The following C1orf216 variants were observed in gnomAD, a reference collection of about 807,000 sequenced individuals.
C1orf216 encodes the protein UPF0500 protein C1orf216.
Under a neutral mutation model 16.4 loss-of-function variants are expected in C1orf216, and 18 were observed. The ratio of observed to expected loss-of-function variants is 1.10; its 90% CI spans 0.76 to 1.63. The LOEUF is 1.63. C1orf216 is among the 40% of genes most tolerant of loss of function. The pLI, the probability that C1orf216 is intolerant of heterozygous loss-of-function variation, is 0.00. For missense variants in C1orf216, 271 were observed against 297.6 expected, an observed-to-expected ratio of 0.91 and a Z score of 0.66; for synonymous variants, 115 against 116.9, an observed-to-expected ratio of 0.98 and a Z score of 0.11.
chr1:35,716,516 C>A (rs1640959848), intron 1 of C1orf216, 190 bp from the exon 2 acceptor site: 2 of 600,662 alleles, frequency 3.3e-6, no homozygotes, highest in Non-Finnish European at 5.8e-6. Flanking sequence ...CATTCTCAGT[C>A]TCCTGCAAAG....
intron 1 of C1orf216, among the ~76,000 whole-genome samples, chr1:35,717,274 T>A (rs990256738): frequency 2.0e-5 from 3 of 152,094 alleles, no homozygotes; most frequent in African/African-American, 7.2e-5. Context: ...CCTCCCTGAA[T>A]TCCTGCTAAA....
rs1640911701 is a variant in C1orf216, at chr1:35,714,061, C to G, written c.*1571G>C. ...AGATAGGAAGAGCCCCCCACTTTGC[C>G]GATAGGGAGACTGAGGGCCAGAGGC... On this transcript the variant is annotated 3_prime_UTR_variant, in exon 2 of 2. Coordinates refer to ENST00000270815, the MANE Select transcript of C1orf216 (RefSeq NM_152374.2). The G allele has an allele frequency of 1.3e-5, 2 of 152,162 alleles. No homozygotes were observed. The highest frequency in any genetic ancestry group is 2.9e-5 in the Non-Finnish European group (2 of 68,026). The allele number at this position is 152,162 out of a possible 1,614,324, so 9.4% of individuals were successfully genotyped here.
Position 35,715,684 on chromosome 1 carries a change from A to G in C1orf216, c.638T>C (p.Ile213Thr), listed in dbSNP as rs1257195505. 26 of 1,613,968 alleles carry G rather than the reference A, an allele frequency of 1.6e-5. No individual in the cohort carries two copies. Among genetic ancestry groups the G allele is most frequent in the Non-Finnish European group, 2.2e-5 (26 of 1,180,014 alleles). Reference sequence around the variant, plus strand: ...TGCTGCCCTCTGCTGGAGACAGCGAATAAGCTCCTTCCGGTTGTCTAGGAT... The same window carrying G: ...TGCTGCCCTCTGCTGGAGACAGCGAGTAAGCTCCTTCCGGTTGTCTAGGAT... Reference protein sequence around the residue: ...DTILDNRKELIRCLQQRAAPS... With the variant: ...DTILDNRKELTRCLQQRAAPS... The change falls in exon 2 of 2, where the codon ATT (isoleucine) becomes ACT (threonine). Residue 213 changes from isoleucine (I) to threonine (T), a missense_variant. This residue lies in a region of C1orf216 where 220 missense variants were observed against 227.8 expected (regional missense o/e 0.97). Transcript: ENST00000270815. The surrounding 1 kb of genome is among the most constrained non-coding windows in gnomAD (Gnocchi z 4.3).
rs930954136 is a variant in C1orf216, at chr1:35,714,203, T to G, written c.*1429A>C. ...CCAAGAACAAAGCAGAGAGCTAAGC[T>G]ACCTTAGTCGTTGGTTCTCTCCAAG... is the stretch of plus-strand genomic sequence containing the variant. On this transcript the variant is annotated 3_prime_UTR_variant, in exon 2 of 2. Coordinates refer to ENST00000270815, the MANE Select transcript of C1orf216 (RefSeq NM_152374.2). 6 of 152,212 alleles carry G rather than the reference T, an allele frequency of 3.9e-5. No homozygotes were observed. Among genetic ancestry groups the G allele is most frequent in the African/African-American group, 1.4e-4 (6 of 41,436 alleles). 9.4% of individuals were successfully genotyped at this position (152,212 alleles called of 1,614,324 possible).
In C1orf216 at chr1:35,715,520, A is replaced by C; in HGVS notation, c.*112T>G. 1 of 1,211,400 alleles carries C rather than the reference A, an allele frequency of 8.3e-7. No individual in the cohort carries two copies. The allele number at this position is 1,211,400 out of a possible 1,614,324, so 75.0% of individuals were successfully genotyped here. On this transcript the variant is annotated 3_prime_UTR_variant, in exon 2 of 2. Transcript: ENST00000270815. This position sits in a 1 kb window ranked among gnomAD's most constrained non-coding sequence, Gnocchi z 4.3. ...CACACCAGCCTACATGTTAGCACATACACACTCATGCCTACCTGCAATCAT... is the reference window on the plus strand; with the variant it reads ...CACACCAGCCTACATGTTAGCACATCCACACTCATGCCTACCTGCAATCAT...
At position 35,714,198 on chromosome 1, in the gene C1orf216, T is replaced by G. The variant is rs1211370644; in HGVS notation, c.*1434A>C. 1.3e-5 allele frequency: 2 copies of G among 152,236 alleles called. No homozygotes were observed. The highest frequency in any genetic ancestry group is 2.9e-5 in the Non-Finnish European group (2 of 68,062). 9.4% of individuals were successfully genotyped at this position (152,236 alleles called of 1,614,324 possible). A position where few individuals can be genotyped will look rare whatever the true frequency, so the allele number is the denominator to read the frequency against. Reference sequence around the variant, plus strand: ...GGCTCCCAAGAACAAAGCAGAGAGCTAAGCTACCTTAGTCGTTGGTTCTCT... The same window carrying G: ...GGCTCCCAAGAACAAAGCAGAGAGCGAAGCTACCTTAGTCGTTGGTTCTCT... On this transcript the variant is annotated 3_prime_UTR_variant, in exon 2 of 2. Coordinates refer to ENST00000270815, the MANE Select transcript of C1orf216 (RefSeq NM_152374.2).
chr1:35,715,558 T>C lies in C1orf216; in HGVS notation c.*74A>G. On this transcript the variant is annotated 3_prime_UTR_variant, in exon 2 of 2. Transcript: ENST00000270815. The surrounding 1 kb of genome is among the most constrained non-coding windows in gnomAD (Gnocchi z 4.3). ...TACCTGCAATCATGCCAGCAAATTATGTACTTACTAGTGCGCCTCACACAT... is the reference window on the plus strand; with the variant it reads ...TACCTGCAATCATGCCAGCAAATTACGTACTTACTAGTGCGCCTCACACAT... 3 of 1,475,636 alleles carry C rather than the reference T, an allele frequency of 2.0e-6. No homozygotes were observed. The highest frequency in any genetic ancestry group is 2.7e-6 in the Non-Finnish European group (3 of 1,095,238). The allele number at this position is 1,475,636 out of a possible 1,614,324, so 91.4% of individuals were successfully genotyped here. A position where few individuals can be genotyped will look rare whatever the true frequency, so the allele number is the denominator to read the frequency against.
rs1376697792 is a variant in C1orf216 at position 35,716,032 on chromosome 1, T to G, written c.290A>C (p.Lys97Thr). Reference sequence around the variant, plus strand: ...GCAGACTGTGCCAGCACCACCCATCTTCTCAGGCTCAGCCCCGGGAATCTC... The same window carrying G: ...GCAGACTGTGCCAGCACCACCCATCGTCTCAGGCTCAGCCCCGGGAATCTC... ...GAEIPGAEPE[K>T]MGGAGTVCSP... Residue 97 changes from lysine (K) to threonine (T), a missense_variant, in exon 2 of 2, where the codon AAG becomes ACG. Lys to Thr is a moderately conservative substitution (Grantham distance 78). Around this residue, in one of 3 missense-constraint regions of C1orf216, gnomAD observed 220 missense variants for 227.8 expected, o/e 0.97. Coordinates refer to ENST00000270815, the MANE Select transcript of C1orf216 (RefSeq NM_152374.2). The G allele has an allele frequency of 6.2e-7, 1 of 1,614,012 alleles. No individual in the cohort carries two copies. Among genetic ancestry groups the G allele is most frequent in the Non-Finnish European group, 8.5e-7 (1 of 1,180,034 alleles).
At position 35,715,697 on chromosome 1, in the gene C1orf216, G is replaced by T; in HGVS notation, c.625C>A (p.Arg209=). The T allele has an allele frequency of 1.2e-6, 2 of 1,614,116 alleles. No homozygotes were observed. The highest frequency in any genetic ancestry group is 8.5e-7 in the Non-Finnish European group (1 of 1,180,026). ...QESFDTILDN[R]KELIRCLQQR... Reference sequence around the variant, plus strand: ...TGGAGACAGCGAATAAGCTCCTTCCGGTTGTCTAGGATGGTGTCGAAGCTC... The same window carrying T: ...TGGAGACAGCGAATAAGCTCCTTCCTGTTGTCTAGGATGGTGTCGAAGCTC... Residue 209 remains arginine (R), a synonymous_variant, in exon 2 of 2, where the codon CGG becomes AGG. Transcript: ENST00000270815. The surrounding 1 kb of genome is among the most constrained non-coding windows in gnomAD (Gnocchi z 4.3).
rs1264203079 is a variant in C1orf216, at chr1:35,714,491, C to T, written c.*1141G>A. On this transcript the variant is annotated 3_prime_UTR_variant, in exon 2 of 2. Transcript: ENST00000270815. ...GCAGAGACAGGGAAGCGATATTTTC[C>T]TCATCGGCCTTGGAACATCTTGTCT... 1 of 152,142 alleles carries T rather than the reference C, an allele frequency of 6.6e-6. No individual in the cohort carries two copies. Among genetic ancestry groups the T allele is most frequent in the Non-Finnish European group, 1.5e-5 (1 of 68,054 alleles). The allele number at this position is 152,142 out of a possible 1,614,324, so 9.4% of individuals were successfully genotyped here. A position where few individuals can be genotyped will look rare whatever the true frequency, so the allele number is the denominator to read the frequency against.
At chr1:35,717,200 C>G (rs1301998694) in intron 1 of C1orf216, among the ~76,000 whole-genome samples, 1 of 152,090 alleles carries the variant, frequency 6.6e-6, no homozygotes, top group Non-Finnish European at 1.5e-5. Flanking sequence ...TTGCCTCGGC[C>G]TTTTCACTGA....
rs1007335273 is a variant in C1orf216 at position 35,714,937 on chromosome 1, G to A, written c.*695C>T. ...TGGGTTAAGTGAGGGAAAGGGAAAG[G>A]AGAGGTGGCCTGGGAAATCCCAGGA... On this transcript the variant is annotated 3_prime_UTR_variant, in exon 2 of 2. Coordinates refer to ENST00000270815, the MANE Select transcript of C1orf216 (RefSeq NM_152374.2). 11 of 152,666 alleles carry A rather than the reference G, an allele frequency of 7.2e-5. No homozygotes were observed. The highest frequency in any genetic ancestry group is 2.2e-4 in the African/African-American group (9 of 41,586). 9.5% of individuals were successfully genotyped at this position (152,666 alleles called of 1,614,324 possible). A position where few individuals can be genotyped will look rare whatever the true frequency, so the allele number is the denominator to read the frequency against.
chr1:35,715,771 A>C lies in C1orf216; in HGVS notation c.551T>G (p.Ile184Ser). The C allele has an allele frequency of 6.2e-7, 1 of 1,614,146 alleles. No individual in the cohort carries two copies. The highest frequency in any genetic ancestry group is 8.5e-7 in the Non-Finnish European group (1 of 1,180,016). ...AATCAACTGATGCTGCAGGCCCCGGATCCACTGGAGCAGTGCCAGGCGACG... is the reference window on the plus strand; with the variant it reads ...AATCAACTGATGCTGCAGGCCCCGGCTCCACTGGAGCAGTGCCAGGCGACG... ...MYRRLALLQW[I>S]RGLQHQLIDQ... The change falls in exon 2 of 2, where the codon ATC becomes AGC. Residue 184 changes from isoleucine to serine, a missense_variant. By Grantham distance (142) the Ile-to-Ser change is moderately radical (BLOSUM62 -2). Coordinates refer to ENST00000270815, the MANE Select transcript of C1orf216 (RefSeq NM_152374.2). This position sits in a 1 kb window ranked among gnomAD's most constrained non-coding sequence, Gnocchi z 4.3.
chr1:35,715,796 G>A lies in C1orf216; in HGVS notation c.526C>T (p.Arg176Cys), dbSNP rs762536435. 15 of 1,614,074 alleles carry A rather than the reference G, an allele frequency of 9.3e-6. No individual in the cohort carries two copies. The highest frequency in any genetic ancestry group is 2.2e-5 in the South Asian group (2 of 91,086). ...EKHHVHLVMY[R>C]RLALLQWIRG... is the part of the protein sequence containing the mutation. ...ATCCACTGGAGCAGTGCCAGGCGACGGTACATCACCAAGTGCACGTGGTGC... is the reference window on the plus strand; with the variant it reads ...ATCCACTGGAGCAGTGCCAGGCGACAGTACATCACCAAGTGCACGTGGTGC... The change falls in exon 2 of 2, where the codon CGT (arginine) becomes TGT (cysteine). Residue 176 changes from arginine (R) to cysteine (C), a missense_variant. Coordinates refer to ENST00000270815, the MANE Select transcript of C1orf216 (RefSeq NM_152374.2). This position sits in a 1 kb window ranked among gnomAD's most constrained non-coding sequence, Gnocchi z 4.3.
rs1421452561 is a variant in C1orf216 at position 35,715,196 on chromosome 1, C to A, written c.*436G>T. ...CCATGCCTGTGGCCAAACATGTGCACCCCTGCACACACAAGGGCTTCCTCA... is the reference window on the plus strand; with the variant it reads ...CCATGCCTGTGGCCAAACATGTGCAACCCTGCACACACAAGGGCTTCCTCA... On this transcript the variant is annotated 3_prime_UTR_variant, in exon 2 of 2. Coordinates refer to ENST00000270815, the MANE Select transcript of C1orf216 (RefSeq NM_152374.2). The surrounding 1 kb of genome is among the most constrained non-coding windows in gnomAD (Gnocchi z 4.3). 1.9e-5 allele frequency: 4 copies of A among 209,734 alleles called. No homozygotes were observed. The highest frequency in any genetic ancestry group is 9.2e-5 in the African/African-American group (4 of 43,616). 13.0% of individuals were successfully genotyped at this position (209,734 alleles called of 1,614,324 possible).
Position 35,716,302 on chromosome 1 carries a change from C to G in C1orf216, c.20G>C (p.Gly7Ala). The change falls in exon 2 of 2, where the codon GGG (glycine) becomes GCG (alanine). Residue 7 changes from glycine (G) to alanine (A), a missense_variant. Physicochemically the swap from Gly to Ala is moderately conservative, Grantham distance 60. Transcript: ENST00000270815. ...CAGGAATTGGCCCCCCTCAGCTAGC[C>G]CTGGCTGGATGGCGAACATCTAGCC... MFAIQP[G>A]LAEGGQFLGD... 6.2e-7 allele frequency: 1 copy of G among 1,613,356 alleles called. No individual in the cohort carries two copies. The highest frequency in any genetic ancestry group is 8.5e-7 in the Non-Finnish European group (1 of 1,179,582).
At position 35,718,835 on chromosome 1, in the gene C1orf216, G is replaced by C. The variant is rs534059040; in HGVS notation, c.-134C>G. Reference sequence around the variant, plus strand: ...TCCAGGCGTGGGTGCGGGGCTCCCGGGCAGCGCGCCCAGCCCCAGTCCCGG... The same window carrying C: ...TCCAGGCGTGGGTGCGGGGCTCCCGCGCAGCGCGCCCAGCCCCAGTCCCGG... On this transcript the variant is annotated 5_prime_UTR_variant, in exon 1 of 2. Coordinates refer to ENST00000270815, the MANE Select transcript of C1orf216 (RefSeq NM_152374.2). The C allele has an allele frequency of 6.6e-6, 1 of 152,288 alleles. No homozygotes were observed. Among genetic ancestry groups the C allele is most frequent in the South Asian group, 2.1e-4 (1 of 4,838 alleles). The allele number at this position is 152,288 out of a possible 1,614,324, so 9.4% of individuals were successfully genotyped here. A position where few individuals can be genotyped will look rare whatever the true frequency, so the allele number is the denominator to read the frequency against.
chr1:35,716,718 C>T (rs1640962887), intron 1 of C1orf216: 3 of 211,028 alleles, frequency 1.4e-5, no homozygotes, highest in South Asian at 7.6e-5. Context: ...ATAACCAGTC[C>T]AGGCATGGTG....
At chr1:35,716,602 T>C in intron 1 of C1orf216, 1 of 470,056 alleles carries the variant, frequency 2.1e-6, no homozygotes, top group South Asian at 2.5e-5. Flanking sequence ...CATTCTCTGC[T>C]GTAGCTTCAA....
Sources: allele counts gnomAD v4.1 joint callset (sites outside exome capture counted in the v4.1 genomes callset), GRCh38; gene constraint gnomAD v4.1.1; regional missense constraint gnomAD v4.1.1; non-coding constraint Gnocchi (gnomAD v3.1); transcripts MANE v1.5; gene names NCBI Gene and HGNC (gene_info 2026-07-23, HGNC 2026-07-21).